COL26A1: variants seen among roughly 807,000 people sequenced by gnomAD.
The protein encoded by COL26A1 is collagen type XXVI alpha 1 chain.
In COL26A1, 41 loss-of-function variants were observed where a neutral mutation model predicts 59.3. The ratio of observed to expected loss-of-function variants is 0.69; its 90% CI spans 0.54 to 0.90. COL26A1 has a LOEUF of 0.90. COL26A1 is among the 40% of genes least tolerant of loss of function. The pLI is 0.00. For missense variants in COL26A1, 612 were observed against 602.3 expected (o/e 1.02, Z -0.17); for synonymous variants, 266 against 256.0 (o/e 1.04, Z -0.37).
intron 3 of COL26A1, among the ~76,000 whole-genome samples, chr7:101,483,595 A>G (rs1451114318): frequency 7.0e-6 from 1 of 143,456 alleles, no homozygotes; most frequent in African/African-American, 2.6e-5. Context: ...GCAGCCTTGA[A>G]CTCCTGGGTT....
intron 2 of COL26A1, among the ~76,000 whole-genome samples, chr7:101,420,636 C>T (rs1792490579): frequency 6.6e-6 from 1 of 150,582 alleles, no homozygotes; most frequent in Non-Finnish European, 1.5e-5. Context: ...CTTCACCAGC[C>T]CTGCCCCCAC....
chr7:101,465,709 A>G lies in COL26A1; in HGVS notation c.385+17922A>G, dbSNP rs1008934888. Among the ~76,000 whole-genome samples the G allele has an allele frequency of 4.5e-3, 686 of 150,850 alleles. 4 individuals are homozygous for G. Among genetic ancestry groups the G allele is most frequent in the African/African-American group, 0.015 (619 of 41,102 alleles). ...ACTGTCTCAAAAAAAAAAAAAAAAA[A>G]AAAGAAAAGAAAAAGAAACAAAGGA... On this transcript the variant is annotated intron_variant, in intron 3 of 12. Coordinates refer to ENST00000313669, the MANE Select transcript of COL26A1 (RefSeq NM_001278563.3).
At chr7:101,537,002 G>A (rs1278910754) in intron 4 of COL26A1, among the ~76,000 whole-genome samples, 1 of 152,226 alleles carries the variant, frequency 6.6e-6, no homozygotes, top group East Asian at 1.9e-4. Flanking sequence ...CAAGGGAGCT[G>A]GGAAACTGAG....
chr7:101,499,654 A>C (rs1011559035), intron 3 of COL26A1, among the ~76,000 whole-genome samples: 5 of 152,112 alleles, frequency 3.3e-5, no homozygotes, highest in African/African-American at 7.2e-5. Context: ...ACTACACTCC[A>C]GCCTGAGTGA....
chr7:101,535,101 G>T (rs1457169828), intron 4 of COL26A1, among the ~76,000 whole-genome samples: 1 of 152,136 alleles, frequency 6.6e-6, no homozygotes, highest in East Asian at 1.9e-4. Flanking sequence ...TCCATGGGCG[G>T]GCAGGGTCTC....
intron 1 of COL26A1, among the ~76,000 whole-genome samples, chr7:101,408,344 C>T (rs1360847440): frequency 6.6e-6 from 1 of 152,204 alleles, no homozygotes; most frequent in Non-Finnish European, 1.5e-5. Flanking sequence ...GCGTTGTCCC[C>T]AGGCAGGGAT....
chr7:101,385,852 C>T (rs1356593187), intron 1 of COL26A1, among the ~76,000 whole-genome samples: 2 of 151,990 alleles, frequency 1.3e-5, no homozygotes, highest in African/African-American at 4.8e-5. Context: ...CTACAGGCGC[C>T]CACCACCACG....
chr7:101,510,041 T>TTTTTTTTTTTTTTTTA (rs1563019347), intron 3 of COL26A1, among the ~76,000 whole-genome samples: 1 of 150,042 alleles, frequency 6.7e-6, no homozygotes, highest in African/African-American at 2.5e-5. Context: ...TTTTTTTTTT[T>TTTTTTTTTTTTTTTTA]AAGAGGGTCT....
rs770198343 is a variant in COL26A1 at position 101,557,408 on chromosome 7, G to A, written c.1204G>A (p.Ala402Thr). ...CCCAGAGGGAGGTTCTGGCCAGGAT[G>A]CTGCCCTGAGAGCCAACCTCAAGAT... ...ASPEGGSGQD[A>T]ALRANLKMKR... Residue 402 changes from alanine (A) to threonine (T), a missense_variant, in exon 13 of 13, where the codon GCT becomes ACT. By Grantham distance (58) the Ala-to-Thr change is moderately conservative. Coordinates refer to ENST00000313669, the MANE Select transcript of COL26A1 (RefSeq NM_001278563.3). 4 of 1,613,838 alleles carry A rather than the reference G, an allele frequency of 2.5e-6. No individual in the cohort carries two copies. Among genetic ancestry groups the A allele is most frequent in the Non-Finnish European group, 3.4e-6 (4 of 1,179,790 alleles).
chr7:101,389,701 G>A (rs1019060810), intron 1 of COL26A1, among the ~76,000 whole-genome samples: 1 of 152,094 alleles, frequency 6.6e-6, no homozygotes, highest in African/African-American at 2.4e-5. Context: ...TTACAGGCAT[G>A]CGCCACCATG....
rs1791285807 is a variant in COL26A1 at position 101,375,202 on chromosome 7, A to T, written c.158+12012A>T. Among the ~76,000 whole-genome samples the T allele has an allele frequency of 4.6e-5, 7 of 152,108 alleles. No homozygotes were observed. The South Asian group carries it at 1.5e-3, about 32-fold the overall frequency. ...GCCCTCTCTATGCCTCAGTCACCTC[A>T]TCTATAAAATGGGTATGATTAGAGT... On this transcript the variant is annotated intron_variant, in intron 1 of 12. Coordinates refer to ENST00000313669, the MANE Select transcript of COL26A1 (RefSeq NM_001278563.3).
chr7:101,395,085 C>T (rs1244590857), intron 1 of COL26A1, among the ~76,000 whole-genome samples: 1 of 151,790 alleles, frequency 6.6e-6, no homozygotes, highest in East Asian at 1.9e-4. Context: ...GTTGGCCAGG[C>T]TGGTCTTGAA....
chr7:101,420,075 C>CG lies in COL26A1; in HGVS notation c.261dup (p.Pro88AlafsTer40), dbSNP rs1562970504. 3 of 1,613,202 alleles carry CG rather than the reference C, an allele frequency of 1.9e-6. No homozygotes were observed. ...CGCGTGTACCAGAGCTGCCGGTGGC[C>CG]GGGGCCCTGCGCCAACCTCGTAAGG... On this transcript the variant is annotated frameshift_variant, in exon 2 of 13. Transcript: ENST00000313669. LOFTEE classifies it high-confidence loss of function.
intron 4 of COL26A1, among the ~76,000 whole-genome samples, chr7:101,536,769 G>T (rs1438433403): frequency 6.6e-6 from 1 of 152,252 alleles, no homozygotes; most frequent in Non-Finnish European, 1.5e-5. Flanking sequence ...CAGGAGCAGA[G>T]GTGGTCTCGG....
At chr7:101,469,485 C>G (rs1036336101) in intron 3 of COL26A1, among the ~76,000 whole-genome samples, 1 of 142,570 alleles carries the variant, frequency 7.0e-6, no homozygotes, top group African/African-American at 2.7e-5. Flanking sequence ...AGGGTTTACA[C>G]GATTTCTCTC....
At chr7:101,474,688 TTTCTA>T (rs1793991276) in intron 3 of COL26A1, among the ~76,000 whole-genome samples, 1 of 152,162 alleles carries the variant, frequency 6.6e-6, no homozygotes, top group African/African-American at 2.4e-5. Flanking sequence ...GAAGAAAAGA[TTTCTA>T]TTCTCATCCA....
intron 1 of COL26A1, among the ~76,000 whole-genome samples, chr7:101,391,998 A>G (rs1292504521): frequency 6.6e-6 from 1 of 152,064 alleles, no homozygotes; most frequent in Non-Finnish European, 1.5e-5. Flanking sequence ...GATTACAGGC[A>G]TGAGCCACAG....
chr7:101,520,662 A>ACACACACAC (rs915256077), intron 3 of COL26A1, among the ~76,000 whole-genome samples: 1 of 143,238 alleles, frequency 7.0e-6, no homozygotes, highest in African/African-American at 2.6e-5. Context: ...ACACACACAC[A>ACACACACAC]CCCCCGTGTT....
chr7:101,543,289 C>T (rs184810371), intron 5 of COL26A1, among the ~76,000 whole-genome samples: 110 of 152,164 alleles, frequency 7.2e-4, no homozygotes, highest in African/African-American at 2.3e-3. Flanking sequence ...CCCACCTCAA[C>T]GTCCCCAGTA....
Sources: gnomAD v4.1 joint callset for allele counts (sites outside exome capture counted in the v4.1 genomes callset) on GRCh38, gnomAD v4.1.1 for gene constraint, MANE v1.5 for transcripts, NCBI Gene and HGNC (gene_info 2026-07-23, HGNC 2026-07-21) for gene names.